Variants in MITF observed in about 807,000 individuals in gnomAD.
The protein encoded by MITF is microphthalmia-associated transcription factor.
MITF carries 17 observed loss-of-function variants against 60.5 expected under a neutral mutation model. That is an observed-to-expected ratio of 0.28 (90% CI 0.19 to 0.42). The LOEUF (loss-of-function observed/expected upper bound fraction) is 0.42, where lower values mean the gene tolerates loss of function less well. MITF is among the 10% of genes least tolerant of loss of function. The pLI is 1.00. For missense variants in MITF, 622 were observed against 683.5 expected (o/e 0.91, Z 1.00); for synonymous variants, 260 against 248.5 (o/e 1.05, Z -0.43).
At position 69,857,781 on chromosome 3, in the gene MITF, C is replaced by T. The variant is rs984241519; in HGVS notation, c.105-21353C>T. 2.6e-5 allele frequency among the ~76,000 whole-genome samples: 4 copies of T among 152,264 alleles called. No homozygotes were observed. In the South Asian group the frequency reaches 8.3e-4, roughly 32 times the overall value. On this transcript the variant is annotated intron_variant, in intron 1 of 9. Coordinates refer to ENST00000352241, the MANE Select transcript of MITF (RefSeq NM_001354604.2). ...AGTTATGCATCTTAAGCCTATTGAACAGTGCCTGGGACATAGGAGGTGCTC... is the reference window on the plus strand; with the variant it reads ...AGTTATGCATCTTAAGCCTATTGAATAGTGCCTGGGACATAGGAGGTGCTC...
At chr3:69,754,029 T>C (rs897178977) in intron 1 of MITF, among the ~76,000 whole-genome samples, 1 of 152,160 alleles carries the variant, frequency 6.6e-6, no homozygotes, top group Non-Finnish European at 1.5e-5. Flanking sequence ...TGATATGGTT[T>C]GAATCTGTGT....
intron 1 of MITF, among the ~76,000 whole-genome samples, chr3:69,832,375 G>A (rs2063464000): frequency 6.6e-6 from 1 of 152,176 alleles, no homozygotes; most frequent in Non-Finnish European, 1.5e-5. Flanking sequence ...TGCAGGTTCT[G>A]GCCCTGCCAA....
chr3:69,886,659 G>A (rs1575884922), intron 2 of MITF, among the ~76,000 whole-genome samples: 1 of 152,014 alleles, frequency 6.6e-6, no homozygotes, highest in South Asian at 2.1e-4. Flanking sequence ...ATTAGTAAGG[G>A]GCTTCCCTAT....
At position 69,756,164 on chromosome 3, in the gene MITF, G is replaced by T. The variant is rs540860269; in HGVS notation, c.104+16463G>T. ...AAGTTCTAGGATACATGTGCAGAAT[G>T]TGCAGGTTTGTTACATAAGTATACA... On this transcript the variant is annotated intron_variant, in intron 1 of 9. Coordinates refer to ENST00000352241, the MANE Select transcript of MITF (RefSeq NM_001354604.2). 4.5e-4 allele frequency among the ~76,000 whole-genome samples: 69 copies of T among 152,080 alleles called. No homozygotes were observed. The South Asian group carries it at 0.014, about 32-fold the overall frequency.
intron 1 of MITF, among the ~76,000 whole-genome samples, chr3:69,759,131 TCCTTAGAG>T (rs1283908838): frequency 6.6e-6 from 1 of 152,232 alleles, no homozygotes; most frequent in Non-Finnish European, 1.5e-5. Flanking sequence ...CAGGATAAGT[TCCTTAGAG>T]CCTCTGGTCG....
intron 2 of MITF, among the ~76,000 whole-genome samples, chr3:69,928,372 G>A (rs1476090268): frequency 6.6e-6 from 1 of 151,938 alleles, no homozygotes; most frequent in African/African-American, 2.4e-5. Flanking sequence ...ACACACTTGC[G>A]CCACCATCAT....
intron 3 of MITF, chr3:69,938,463 C>A: frequency 6.8e-7 from 1 of 1,478,746 alleles, no homozygotes; most frequent in South Asian, 1.4e-5. Flanking sequence ...TTGTGAATGT[C>A]TGGAATATTA....
At chr3:69,805,851 A>G (rs748641765) in intron 1 of MITF, among the ~76,000 whole-genome samples, 1 of 151,926 alleles carries the variant, frequency 6.6e-6, no homozygotes, top group Non-Finnish European at 1.5e-5. Context: ...TGTGGAGACA[A>G]GATCTTTCTA....
chr3:69,849,332 G>A (rs950274661), intron 1 of MITF, among the ~76,000 whole-genome samples: 2 of 152,138 alleles, frequency 1.3e-5, no homozygotes, highest in African/African-American at 4.8e-5. Context: ...TGTAAATTAA[G>A]GATTTCAGTT....
At chr3:69,917,120 A>G (rs988923289) in intron 2 of MITF, among the ~76,000 whole-genome samples, 1 of 152,208 alleles carries the variant, frequency 6.6e-6, no homozygotes, top group Non-Finnish European at 1.5e-5. Flanking sequence ...ATCTGACCTG[A>G]CATTTAGAGG....
chr3:69,823,121 TG>T (rs2063302322), intron 1 of MITF, among the ~76,000 whole-genome samples: 1 of 152,122 alleles, frequency 6.6e-6, no homozygotes, highest in Non-Finnish European at 1.5e-5. Context: ...TCAGGTGATC[TG>T]CCCACCTCTG....
chr3:69,962,582 A>G (rs1316605493), intron 9 of MITF, among the ~76,000 whole-genome samples: 1 of 152,146 alleles, frequency 6.6e-6, no homozygotes, highest in Non-Finnish European at 1.5e-5. Flanking sequence ...CCCCTCTCTG[A>G]TAAGGAAAGG....
At chr3:69,881,202 G>A (rs142092076) in intron 2 of MITF, among the ~76,000 whole-genome samples, 1 of 152,138 alleles carries the variant, frequency 6.6e-6, no homozygotes, top group East Asian at 1.9e-4. Flanking sequence ...CCAGAAAAAT[G>A]TCCAAAGTTA....
chr3:69,821,928 A>G (rs1304799129), intron 1 of MITF, among the ~76,000 whole-genome samples: 2 of 152,008 alleles, frequency 1.3e-5, no homozygotes, highest in African/African-American at 2.4e-5. Context: ...TTTTTAGTAG[A>G]GATGGGGTTT....
chr3:69,945,494 G>C (rs962342458), intron 5 of MITF, among the ~76,000 whole-genome samples: 3 of 152,274 alleles, frequency 2.0e-5, no homozygotes, highest in South Asian at 2.1e-4. Flanking sequence ...GATGTTAACT[G>C]TATTTATCGG....
chr3:69,965,137 T>C lies in MITF; in HGVS notation c.1470T>C (p.Leu490=). ...KLEDILMDDT[L]SPVGVTDPLL... The stretch of plus-strand genomic sequence containing the variant: ...AAGACATCCTGATGGACGACACCCT[T>C]TCTCCCGTCGGTGTCACTGATCCAC... Residue 490 remains leucine (L), a synonymous_variant, in exon 10 of 10, where the codon CTT becomes CTC. Transcript: ENST00000352241. The C allele has an allele frequency of 6.2e-7, 1 of 1,614,082 alleles. No homozygotes were observed. Among genetic ancestry groups the C allele is most frequent in the Non-Finnish European group, 8.5e-7 (1 of 1,180,008 alleles).
intron 1 of MITF, among the ~76,000 whole-genome samples, chr3:69,847,294 A>C (rs1403167887): frequency 6.6e-6 from 1 of 152,202 alleles, no homozygotes; most frequent in Non-Finnish European, 1.5e-5. Flanking sequence ...ATGCATTTTC[A>C]AGCTCTTTCG....
rs1450960967 is a variant in MITF, at chr3:69,966,194, G to T, written c.*946G>T. 8.6e-6 allele frequency: 2 copies of T among 231,930 alleles called. No homozygotes were observed. Among genetic ancestry groups the T allele is most frequent in the Admixed American group, 1.1e-4 (2 of 17,684 alleles). 14.4% of individuals were successfully genotyped at this position (231,930 alleles called of 1,614,324 possible). A position where few individuals can be genotyped will look rare whatever the true frequency, so the allele number is the denominator to read the frequency against. Reference sequence around the variant, plus strand: ...TTTGTACAGATTCTTTATTATCATTGTTCTTTTCAATATATTTGTATTAAT... The same window carrying T: ...TTTGTACAGATTCTTTATTATCATTTTTCTTTTCAATATATTTGTATTAAT... On this transcript the variant is annotated 3_prime_UTR_variant, in exon 10 of 10. Transcript: ENST00000352241.
At chr3:69,888,145 C>A (rs2064668535) in intron 2 of MITF, among the ~76,000 whole-genome samples, 1 of 152,010 alleles carries the variant, frequency 6.6e-6, no homozygotes, top group African/African-American at 2.4e-5. Flanking sequence ...TTGTAATCTC[C>A]CCTGTTGGGC....
Sources: gnomAD v4.1 joint callset for allele counts (sites outside exome capture counted in the v4.1 genomes callset) on GRCh38, gnomAD v4.1.1 for gene constraint, MANE v1.5 for transcripts, NCBI Gene and HGNC (gene_info 2026-07-23, HGNC 2026-07-21) for gene names.